Variants in CRLS1 observed in about 807,000 individuals in gnomAD.
CRLS1 encodes the protein cardiolipin synthase (CMP-forming).
A neutral mutation model predicts 37.0 loss-of-function variants in CRLS1; 24 were observed. The ratio of observed to expected loss-of-function variants is 0.65; its 90% CI spans 0.47 to 0.91. The LOEUF (loss-of-function observed/expected upper bound fraction) is 0.91. Ranked by LOEUF, CRLS1 falls within the 40% of genes least tolerant of loss-of-function variation. The pLI is 0.00. For synonymous variants in CRLS1, 135 were observed against 159.7 expected (o/e 0.85, Z 1.17); for missense variants, 373 against 395.8 (o/e 0.94, Z 0.49).
At chr20:6,012,632 A>T (rs1978414919) in intron 2 of CRLS1, among the ~76,000 whole-genome samples, 1 of 152,234 alleles carries the variant, frequency 6.6e-6, no homozygotes, top group African/African-American at 2.4e-5. Context: ...GAGAATACTA[A>T]GAATTCTGTT....
intron 3 of CRLS1, among the ~76,000 whole-genome samples, chr20:6,019,512 C>CTTTTTTTTT (rs10610960): frequency 2.5e-5 from 3 of 118,488 alleles, no homozygotes; most frequent in Admixed American, 8.7e-5. Context: ...TTTTTTGTCC[C>CTTTTTTTTT]TTTTTTTTTT....
intron 3 of CRLS1, among the ~76,000 whole-genome samples, chr20:6,019,167 C>A (rs1272141260): frequency 6.6e-6 from 1 of 151,922 alleles, no homozygotes; most frequent in Non-Finnish European, 1.5e-5. Flanking sequence ...TTCTTTAGGG[C>A]AGAGTTTTAA....
At position 6,033,286 on chromosome 20, in the gene CRLS1, C is replaced by T. The variant is rs531164146; in HGVS notation, c.730-1178C>T. 5.1e-4 allele frequency among the ~76,000 whole-genome samples: 78 copies of T among 151,670 alleles called. No homozygotes were observed. The Middle Eastern group carries it at 0.024, about 46-fold the overall frequency. ...CTGAGATTACAGGCATGCGCCACCA[C>T]GCCCAGCTAATTTTTTTTTTGTATT... On this transcript the variant is annotated intron_variant, in intron 5 of 6. Transcript: ENST00000378863.
intron 3 of CRLS1, among the ~76,000 whole-genome samples, chr20:6,025,333 TAGCAA>T (rs1278259196): frequency 6.6e-6 from 1 of 152,182 alleles, no homozygotes; most frequent in Admixed American, 6.5e-5. Context: ...AGAAATGGAA[TAGCAA>T]AGCACGAATG....
chr20:6,019,283 G>GTTA (rs11472053), intron 3 of CRLS1, among the ~76,000 whole-genome samples: 92,825 of 151,430 alleles, frequency 0.61, 28,641 homozygotes, highest in Middle Eastern at 0.8. Flanking sequence ...CTTTTGACCA[G>GTTA]TTTTTAAGTT....
intron 4 of CRLS1, 40 bp downstream of exon 4, chr20:6,031,410 A>C: frequency 6.9e-7 from 1 of 1,445,476 alleles, no homozygotes; most frequent in South Asian, 1.3e-5. Flanking sequence ...AGCATTATAT[A>C]TGATTTAAGG....
rs1980794694 is a variant in CRLS1, at chr20:6,039,261, T to TG, written c.*2103_*2104insG. The TG allele has an allele frequency of 6.8e-6, 1 of 147,856 alleles. No homozygotes were observed. The highest frequency in any genetic ancestry group is 1.5e-5 in the Non-Finnish European group (1 of 67,038). 9.2% of individuals were successfully genotyped at this position (147,856 alleles called of 1,614,324 possible). A position where few individuals can be genotyped will look rare whatever the true frequency, so the allele number is the denominator to read the frequency against. On this transcript the variant is annotated 3_prime_UTR_variant, in exon 7 of 7. Transcript: ENST00000378863. ...CACCAACTGTGCTTTGCAGTTTTGT[T>TG]TGTGTGTGTGTGTGTGTGTGTGTGT... is the stretch of plus-strand genomic sequence containing the variant.
intron 2 of CRLS1, among the ~76,000 whole-genome samples, chr20:6,011,965 G>A (rs1978352076): frequency 6.7e-6 from 1 of 149,616 alleles, no homozygotes; most frequent in South Asian, 2.1e-4. Flanking sequence ...ACTGATAACA[G>A]TTTTTTTTTA....
rs1163505709 is a variant in CRLS1 at position 6,006,498 on chromosome 20, C to T, written c.252C>T (p.Gly84=). Residue 84 remains glycine, a synonymous_variant, in exon 1 of 7, where the codon GGC becomes GGT. Coordinates refer to ENST00000378863, the MANE Select transcript of CRLS1 (RefSeq NM_019095.6). Reference sequence around the variant, plus strand: ...CTCCCAGGCCAGCGGCCGGAGCGGGCGCCGCTGCCGAAGCCCCGGGCGGCC... The same window carrying T: ...CTCCCAGGCCAGCGGCCGGAGCGGGTGCCGCTGCCGAAGCCCCGGGCGGCC... ...KAAPRPAAGA[G]AAAEAPGGQW... 7.4e-7 allele frequency: 1 copy of T among 1,356,624 alleles called. No individual in the cohort carries two copies. Among genetic ancestry groups the T allele is most frequent in the South Asian group, 1.8e-5 (1 of 54,512 alleles). 84.0% of individuals were successfully genotyped at this position (1,356,624 alleles called of 1,614,324 possible).
intron 1 of CRLS1, chr20:6,006,904 A>G (rs925719284): frequency 5.4e-5 from 45 of 827,696 alleles, no homozygotes; most frequent in Non-Finnish European, 6.4e-5. Flanking sequence ...TGTTTAGGGC[A>G]AGTCTTTGGG....
At chr20:6,031,491 G>C in intron 4 of CRLS1, 121 bp downstream of exon 4, 1 of 651,284 alleles carries the variant, frequency 1.5e-6, no homozygotes, top group African/African-American at 1.8e-5. Context: ...AGACTAGCCA[G>C]CCCCTATCCC....
At position 6,037,246 on chromosome 20, in the gene CRLS1, G is replaced by T; in HGVS notation, c.*88G>T. The T allele has an allele frequency of 1.1e-6, 1 of 872,230 alleles. No individual in the cohort carries two copies. Among genetic ancestry groups the T allele is most frequent in the Non-Finnish European group, 1.7e-6 (1 of 592,600 alleles). 54.0% of individuals were successfully genotyped at this position (872,230 alleles called of 1,614,324 possible). A position where few individuals can be genotyped will look rare whatever the true frequency, so the allele number is the denominator to read the frequency against. ...AAATGTACAGGAGTTTCCCTATTTT[G>T]GTGTTCAGCTTGAAAAAGGACTTGT... is the stretch of plus-strand genomic sequence containing the variant. On this transcript the variant is annotated 3_prime_UTR_variant, in exon 7 of 7. Coordinates refer to ENST00000378863, the MANE Select transcript of CRLS1 (RefSeq NM_019095.6).
intron 3 of CRLS1, among the ~76,000 whole-genome samples, chr20:6,027,248 T>G (rs1405491446): frequency 6.6e-6 from 1 of 151,978 alleles, no homozygotes; most frequent in Non-Finnish European, 1.5e-5. Context: ...CATGCCTGGC[T>G]AATTTTTTGT....
chr20:6,025,811 G>A (rs1475903968), intron 3 of CRLS1, among the ~76,000 whole-genome samples: 1 of 152,216 alleles, frequency 6.6e-6, no homozygotes, highest in Admixed American at 6.5e-5. Flanking sequence ...GGAAGTCACT[G>A]CAGATGTGGT....
intron 2 of CRLS1, among the ~76,000 whole-genome samples, chr20:6,012,387 G>A (rs1017989707): frequency 3.3e-5 from 5 of 152,208 alleles, no homozygotes; most frequent in South Asian, 2.1e-4. Context: ...CATGGCAGCC[G>A]TGGTGGGAGC....
At chr20:6,015,283 G>A in intron 2 of CRLS1, 78 bp from the exon 3 acceptor site, 1 of 842,838 alleles carries the variant, frequency 1.2e-6, no homozygotes, top group Non-Finnish European at 1.8e-6. Context: ...TGTTATTCTG[G>A]TATATCTTAA....
chr20:6,011,245 A>G (rs1600350241), intron 2 of CRLS1, among the ~76,000 whole-genome samples: 1 of 152,172 alleles, frequency 6.6e-6, no homozygotes, highest in Admixed American at 6.5e-5. Context: ...ATATTTATTG[A>G]GTGAGAATCG....
chr20:6,015,379 C>T lies in CRLS1; in HGVS notation c.463C>T (p.Arg155Ter), dbSNP rs1232680272. ...TTTTCAGTTGGATGGATTTATTGCT[C>T]GAAACTGGGCCAATCAAAGATCAGC... is the stretch of plus-strand genomic sequence containing the variant. ...LTDLLDGFIARNWANQRSALG... is the reference protein window; with the variant it reads ...LTDLLDGFIA The change falls in exon 3 of 7, where the codon CGA (arginine) becomes TGA (stop). Residue 155 changes from arginine (R) to a stop codon, truncating the protein, a stop_gained. Coordinates refer to ENST00000378863, the MANE Select transcript of CRLS1 (RefSeq NM_019095.6). LOFTEE classifies it high-confidence loss of function. 3 of 1,596,672 alleles carry T rather than the reference C, an allele frequency of 1.9e-6. No homozygotes were observed. The highest frequency in any genetic ancestry group is 2.7e-5 in the African/African-American group (2 of 74,274).
intron 2 of CRLS1, among the ~76,000 whole-genome samples, chr20:6,011,571 G>GATTTTTTT (rs1568616510): frequency 2.3e-5 from 1 of 42,624 alleles, no homozygotes; most frequent in African/African-American, 6.6e-5. Flanking sequence ...TTTTGTCCCT[G>GATTTTTTT]CTTTTTTTTT....
Sources: gnomAD v4.1 joint callset for allele counts (sites outside exome capture counted in the v4.1 genomes callset) on GRCh38, gnomAD v4.1.1 for gene constraint, MANE v1.5 for transcripts, NCBI Gene and HGNC (gene_info 2026-07-23, HGNC 2026-07-21) for gene names.